MYOCD: variants seen among roughly 807,000 people sequenced by gnomAD.
MYOCD encodes myocardin.
Under a neutral mutation model 96.1 loss-of-function variants are expected in MYOCD, and 32 were observed. That is an observed-to-expected ratio of 0.33 (90% CI 0.25 to 0.45). MYOCD has a LOEUF of 0.45. Among genes scored for constraint, MYOCD ranks in the 20% least tolerant of loss-of-function variants. The pLI is 1.00. For synonymous variants in MYOCD, 469 were observed against 469.0 expected (o/e 1.00, Z 0.00); for missense variants, 1,133 against 1,200.6 (o/e 0.94, Z 0.83).
At chr17:12,700,629 T>C (rs528173877) in intron 1 of MYOCD, among the ~76,000 whole-genome samples, 1 of 151,538 alleles carries the variant, frequency 6.6e-6, no homozygotes, top group South Asian at 2.1e-4. Context: ...TTGGCCAGAA[T>C]GGTCTCGATC....
chr17:12,673,363 C>T (rs1366521075), intron 1 of MYOCD, among the ~76,000 whole-genome samples: 1 of 152,078 alleles, frequency 6.6e-6, no homozygotes, highest in Non-Finnish European at 1.5e-5. Flanking sequence ...CTGTCCTGGT[C>T]CAGTTGCATA....
At chr17:12,709,517 G>A (rs2031414184) in intron 2 of MYOCD, among the ~76,000 whole-genome samples, 1 of 152,160 alleles carries the variant, frequency 6.6e-6, no homozygotes, top group Admixed American at 6.5e-5. Context: ...ATTTACAATG[G>A]CAGTTGTGAA....
At chr17:12,693,094 T>A (rs1280671754) in intron 1 of MYOCD, among the ~76,000 whole-genome samples, 2 of 152,142 alleles carry the variant, frequency 1.3e-5, no homozygotes, top group Admixed American at 6.5e-5. Context: ...TATGCATTTT[T>A]AAATAATTAT....
rs563710587 is a variant in MYOCD, at chr17:12,708,683, G to A, written c.121+3490G>A. ...TGGGATTACAGGCGTGAGCCACCGC[G>A]CCTGGCCAGCAATACTATTTTTAAC... On this transcript the variant is annotated intron_variant, in intron 2 of 13. Coordinates refer to ENST00000425538, the MANE Select transcript of MYOCD (RefSeq NM_001146312.3). Among the ~76,000 whole-genome samples the A allele has an allele frequency of 5.9e-5, 9 of 152,124 alleles. No individual in the cohort carries two copies. In the South Asian group the frequency reaches 1.0e-3, roughly 18 times the overall value.
Position 12,745,919 on chromosome 17 carries a change from G to A in MYOCD, c.972G>A (p.Lys324=), listed in dbSNP as rs1567596351. The change falls in exon 9 of 14, where the codon AAG becomes AAA. Residue 324 remains lysine, a splice_region_variant and synonymous_variant. Coordinates refer to ENST00000425538, the MANE Select transcript of MYOCD (RefSeq NM_001146312.3). ...SYLGMHQAQL[K]EPNEQMVRNP... Reference sequence around the variant, plus strand: ...AAATGCCTCTTTGTTTGTTTTTTAGGGAACCAAATGAACAGATGGTCAGAA... The same window carrying A: ...AAATGCCTCTTTGTTTGTTTTTTAGAGAACCAAATGAACAGATGGTCAGAA... 1.2e-6 allele frequency: 2 copies of A among 1,612,660 alleles called. No homozygotes were observed. The highest frequency in any genetic ancestry group is 1.7e-5 in the Admixed American group (1 of 59,718).
At chr17:12,678,722 G>A (rs976506446) in intron 1 of MYOCD, among the ~76,000 whole-genome samples, 1 of 151,960 alleles carries the variant, frequency 6.6e-6, no homozygotes, top group African/African-American at 2.4e-5. Flanking sequence ...TTGAGATGGA[G>A]TCTCACTCTG....
Position 12,756,440 on chromosome 17 carries a change from T to C in MYOCD, c.2085T>C (p.Pro695=). 1.3e-6 allele frequency: 2 copies of C among 1,552,106 alleles called. No homozygotes were observed. The highest frequency in any genetic ancestry group is 1.2e-5 in the South Asian group (1 of 84,044). ...ACTCAGGAGCACACGATGGCCATCCTCCAAGCTTCTCTCCCCATTCTTCCA... is the reference window on the plus strand; with the variant it reads ...ACTCAGGAGCACACGATGGCCATCCCCCAAGCTTCTCTCCCCATTCTTCCA... ...AQNSGAHDGH[P]PSFSPHSSSL... Residue 695 remains proline (P), a synonymous_variant, in exon 11 of 14, where the codon CCT becomes CCC. Transcript: ENST00000425538.
intron 2 of MYOCD, chr17:12,710,564 T>A: frequency 1.0e-6 from 1 of 961,972 alleles, no homozygotes; most frequent in Non-Finnish European, 1.2e-6. Context: ...TTGTGGTACT[T>A]CTGAATAGCA....
chr17:12,753,319 C>T lies in MYOCD; in HGVS notation c.2031C>T (p.Pro677=), dbSNP rs927936451. Reference sequence around the variant, plus strand: ...GAGAAGGGCACAGGGTCTCCTCGCCCATCAGCAGCCAGGTGTGCACTGCAC... The same window carrying T: ...GAGAAGGGCACAGGGTCTCCTCGCCTATCAGCAGCCAGGTGTGCACTGCAC... The part of the protein sequence containing the change: ...AQGEGHRVSS[P]ISSQVCTAQN... The change falls in exon 10 of 14, where the codon CCC becomes CCT. Residue 677 remains proline (P), a synonymous_variant. Coordinates refer to ENST00000425538, the MANE Select transcript of MYOCD (RefSeq NM_001146312.3). 6.2e-7 allele frequency: 1 copy of T among 1,605,814 alleles called. No individual in the cohort carries two copies. The highest frequency in any genetic ancestry group is 8.5e-7 in the Non-Finnish European group (1 of 1,175,972).
intron 1 of MYOCD, among the ~76,000 whole-genome samples, chr17:12,701,334 C>T (rs973277871): frequency 1.4e-4 from 22 of 152,240 alleles, no homozygotes; most frequent in African/African-American, 5.1e-4. Flanking sequence ...ATCGCTTGAA[C>T]CTGGGAGTCG....
intron 9 of MYOCD, among the ~76,000 whole-genome samples, chr17:12,752,139 A>G (rs2032869523): frequency 6.6e-6 from 1 of 152,214 alleles, no homozygotes; most frequent in African/African-American, 2.4e-5. Context: ...GATGACGGGC[A>G]GTAGATTAGA....
intron 1 of MYOCD, among the ~76,000 whole-genome samples, chr17:12,698,621 A>C (rs867743915): frequency 2.6e-5 from 4 of 152,164 alleles, no homozygotes; most frequent in Admixed American, 6.5e-5. Flanking sequence ...TAACTGAAAA[A>C]TCTGCAAACA....
intron 5 of MYOCD, among the ~76,000 whole-genome samples, chr17:12,733,869 AAAAAG>A (rs2032255559): frequency 1.5e-5 from 2 of 137,350 alleles, no homozygotes; most frequent in African/African-American, 2.8e-5. Flanking sequence ...CCGTCTCAAA[AAAAAG>A]AAAAAAGAAA....
intron 5 of MYOCD, among the ~76,000 whole-genome samples, chr17:12,727,967 C>T (rs917275351): frequency 1.6e-4 from 25 of 152,168 alleles, no homozygotes; most frequent in Admixed American, 2.6e-4. Flanking sequence ...CCTAAAATGA[C>T]ATTCTGTAGG....
intron 9 of MYOCD, among the ~76,000 whole-genome samples, chr17:12,750,864 A>G (rs2032833707): frequency 6.6e-6 from 1 of 152,168 alleles, no homozygotes; most frequent in South Asian, 2.1e-4. Flanking sequence ...CGTTTCTGAA[A>G]AGCTGGATCA....
At chr17:12,687,948 T>C (rs1379242911) in intron 1 of MYOCD, among the ~76,000 whole-genome samples, 4 of 152,208 alleles carry the variant, frequency 2.6e-5, no homozygotes, top group Admixed American at 2.6e-4. Context: ...AAGGATGATT[T>C]ATTTGGTTGG....
In MYOCD at chr17:12,760,466, C is replaced by T. The variant is rs1386223315; in HGVS notation, c.2332-184C>T. ...ACAATTGTGTGAATGTACTTAATGC[C>T]CCTTAACTGTACACTTAAAAATGGT... On this transcript the variant is annotated intron_variant, in intron 12 of 13. Coordinates refer to ENST00000425538, the MANE Select transcript of MYOCD (RefSeq NM_001146312.3). 5.1e-6 allele frequency: 3 copies of T among 587,874 alleles called. No individual in the cohort carries two copies. In the African/African-American group the frequency reaches 5.6e-5, roughly 11 times the overall value. The allele number at this position is 587,874 out of a possible 1,614,324, so 36.4% of individuals were successfully genotyped here.
At chr17:12,758,322 C>T (rs2033071473) in intron 12 of MYOCD, 109 bp downstream of exon 12, 2 of 1,511,664 alleles carry the variant, frequency 1.3e-6, no homozygotes, top group African/African-American at 2.8e-5. Flanking sequence ...TTGAGTGTGT[C>T]ATGTGCCATA....
chr17:12,690,272 C>T (rs1442329625), intron 1 of MYOCD, among the ~76,000 whole-genome samples: 1 of 152,114 alleles, frequency 6.6e-6, no homozygotes, highest in African/African-American at 2.4e-5. Flanking sequence ...ACATGTTTGA[C>T]TCATTAAAAA....
Sources: allele counts gnomAD v4.1 joint callset (sites outside exome capture counted in the v4.1 genomes callset), GRCh38; gene constraint gnomAD v4.1.1; transcripts MANE v1.5; gene names NCBI Gene and HGNC (gene_info 2026-07-23, HGNC 2026-07-21).